The following HSPD1 variants were observed in gnomAD, a reference collection of about 807,000 sequenced individuals.
HSPD1 encodes heat shock protein family D (Hsp60) member 1, also known as 60 kDa heat shock protein, mitochondrial.
In HSPD1, 3 loss-of-function variants were observed where a neutral mutation model predicts 53.0. The observed-to-expected ratio is 0.06, with a 90% CI of 0.03 to 0.15. The LOEUF (loss-of-function observed/expected upper bound fraction) is 0.15. HSPD1 is among the 10% of genes least tolerant of loss of function. HSPD1 has a pLI of 1.00. For missense variants in HSPD1, 431 were observed against 694.1 expected, an observed-to-expected ratio of 0.62 and a Z score of 4.26; for synonymous variants, 200 against 228.0, an observed-to-expected ratio of 0.88 and a Z score of 1.10.
intron 2 of HSPD1, among the ~76,000 whole-genome samples, chr2:197,497,840 G>A (rs1163754519): frequency 6.6e-6 from 1 of 152,138 alleles, no homozygotes; most frequent in Non-Finnish European, 1.5e-5. Flanking sequence ...CTTCAACCAT[G>A]GCACAATTAT....
intron 7 of HSPD1, chr2:197,490,550 G>C: frequency 1.1e-5 from 5 of 452,084 alleles, no homozygotes; most frequent in Non-Finnish European, 2.0e-5. Flanking sequence ...TGTTGGCCTG[G>C]CCGGGCGTGG....
chr2:197,490,731 G>A (rs1487804660), intron 7 of HSPD1, among the ~76,000 whole-genome samples: 1 of 152,068 alleles, frequency 6.6e-6, no homozygotes, highest in African/African-American at 2.4e-5. Flanking sequence ...TCAGGAGGCC[G>A]AGCAGCAAAA....
chr2:197,496,451 C>T lies in HSPD1; in HGVS notation c.427+689G>A, dbSNP rs969209033. On this transcript the variant is annotated intron_variant, in intron 3 of 11. Transcript: ENST00000388968. ...AATTCTGACAAAAAATTACCAATAG[C>T]TCCCCCCACCTTCACTTACAAGAGG... Among the ~76,000 whole-genome samples, 17 of 152,248 alleles carry T rather than the reference C, an allele frequency of 1.1e-4. No individual in the cohort carries two copies. In the East Asian group the frequency reaches 2.5e-3, roughly 22 times the overall value.
At chr2:197,493,993 T>C (rs1184348434) in intron 6 of HSPD1, among the ~76,000 whole-genome samples, 164 bp downstream of exon 6, 1 of 152,120 alleles carries the variant, frequency 6.6e-6, no homozygotes, top group Non-Finnish European at 1.5e-5. Context: ...TCCCAGCTAC[T>C]TGGGAGACTG....
intron 2 of HSPD1, 181 bp from the exon 3 acceptor site, chr2:197,497,573 A>AAG: frequency 1.6e-6 from 1 of 636,044 alleles, no homozygotes; most frequent in Non-Finnish European, 2.8e-6. Flanking sequence ...TCTACAGACA[A>AAG]AATGACCTGA....
Position 197,497,205 on chromosome 2 carries a change from C to T in HSPD1, c.362G>A (p.Arg121His), listed in dbSNP as rs747855395. ...CTCGAAGCCTTCCTTGGCTATAGAG[C>T]GTGCCAGTACAGTAGCAGTGGTAGT... Reference protein sequence around the residue: ...DGTTTATVLARSIAKEGFEKI... With the variant: ...DGTTTATVLAHSIAKEGFEKI... Residue 121 changes from arginine to histidine, a missense_variant, in exon 3 of 12, where the codon CGC (arginine) becomes CAC (histidine). Transcript: ENST00000388968. The T allele has an allele frequency of 6.8e-6, 11 of 1,613,536 alleles. No homozygotes were observed. Among genetic ancestry groups the T allele is most frequent in the East Asian group, 2.2e-5 (1 of 44,900 alleles).
At chr2:197,500,234 T>A (rs945654766), upstream of HSPD1, 3 of 654,884 alleles carry the variant, frequency 4.6e-6, no homozygotes, top group Non-Finnish European at 8.0e-6. Context: ...GTCAGCGTCC[T>A]GCGCAGGGCC....
intron 11 of HSPD1, among the ~76,000 whole-genome samples, chr2:197,487,401 G>A (rs2086039497): frequency 6.6e-6 from 1 of 152,046 alleles, no homozygotes; most frequent in Non-Finnish European, 1.5e-5. Context: ...ACAAAAATTA[G>A]CCAGGCATGG....
At chr2:197,488,534 A>C in intron 9 of HSPD1, 43 bp from the exon 10 acceptor site, 3 of 1,554,550 alleles carry the variant, frequency 1.9e-6, no homozygotes, top group Non-Finnish European at 2.7e-6. Context: ...CTCTTCATTC[A>C]AGATGCTAAT....
At position 197,494,239 on chromosome 2, in the gene HSPD1, T is replaced by G; in HGVS notation, c.618A>C (p.Thr206=). The change falls in exon 6 of 12, where the codon ACA becomes ACC. Residue 206 remains threonine (T), a synonymous_variant. Coordinates refer to ENST00000388968, the MANE Select transcript of HSPD1 (RefSeq NM_002156.5). ...KGVITVKDGK[T]LNDELEIIEG... ...CAATAATTTCTAATTCATCATTCAG[T>G]GTTTTTCCATCCTATGAAAAGTCAA... 2.0e-6 allele frequency: 3 copies of G among 1,536,444 alleles called. No individual in the cohort carries two copies. The highest frequency in any genetic ancestry group is 2.7e-6 in the Non-Finnish European group (3 of 1,109,476).
upstream of HSPD1, chr2:197,500,220 T>C (rs2086230802): frequency 1.6e-6 from 1 of 616,368 alleles, no homozygotes; most frequent in Non-Finnish European, 2.9e-6. Context: ...CTCCGAGTCT[T>C]CGCGTCAGCG....
chr2:197,488,682 A>T (rs913155039), intron 9 of HSPD1, among the ~76,000 whole-genome samples, 191 bp from the exon 10 acceptor site: 7 of 152,162 alleles, frequency 4.6e-5, no homozygotes, highest in African/African-American at 1.7e-4. Flanking sequence ...CAGCCTGACC[A>T]ACATGGTGAA....
At chr2:197,493,537 C>A in intron 6 of HSPD1, 45 bp from the exon 7 acceptor site, 1 of 1,388,852 alleles carries the variant, frequency 7.2e-7, no homozygotes, top group Non-Finnish European at 1.0e-6. Context: ...AAAATGACTG[C>A]AATACATTTA....
Position 197,488,015 on chromosome 2 carries a change from G to A in HSPD1, c.1412C>T (p.Thr471Ile), listed in dbSNP as rs867053951. The A allele has an allele frequency of 6.2e-7, 1 of 1,608,260 alleles. No individual in the cohort carries two copies. The highest frequency in any genetic ancestry group is 1.1e-5 in the South Asian group (1 of 90,658). Reference sequence around the variant, plus strand: ...AATGGTCATTGCTGGAATTTTGAGTGTTCTTTTAATAATTTCTATACCTAC... The same window carrying A: ...AATGGTCATTGCTGGAATTTTGAGTATTCTTTTAATAATTTCTATACCTAC... Reference protein sequence around the residue: ...QKIGIEIIKRTLKIPAMTIAK... With the variant: ...QKIGIEIIKRILKIPAMTIAK... The change falls in exon 11 of 12, where the codon ACA becomes ATA. Residue 471 changes from threonine (T) to isoleucine (I), a missense_variant. Around this residue, in one of 2 missense-constraint regions of HSPD1, gnomAD observed 386 missense variants for 657.6 expected, o/e 0.59. Coordinates refer to ENST00000388968, the MANE Select transcript of HSPD1 (RefSeq NM_002156.5).
chr2:197,490,419 T>G (rs1463754392), intron 7 of HSPD1, 123 bp from the exon 8 acceptor site: 11 of 721,804 alleles, frequency 1.5e-5, no homozygotes, highest in East Asian at 2.7e-5. Context: ...TTTTGTGTTT[T>G]TTTGTTTTTT....
chr2:197,493,585 A>C, intron 6 of HSPD1, 93 bp from the exon 7 acceptor site: 1 of 900,792 alleles, frequency 1.1e-6, no homozygotes, highest in Non-Finnish European at 1.8e-6. Flanking sequence ...ACACTTTAAA[A>C]TTCACCAGTG....
intron 7 of HSPD1, 31 bp from the exon 8 acceptor site, chr2:197,490,327 A>T: frequency 3.3e-6 from 5 of 1,524,338 alleles, no homozygotes; most frequent in Non-Finnish European, 4.6e-6. Flanking sequence ...TAAGATTTAA[A>T]TGAAATAAAA....
At position 197,486,643 on chromosome 2, in the gene HSPD1, T is replaced by C. The variant is rs1381295659; in HGVS notation, c.*403A>G. The stretch of plus-strand genomic sequence containing the variant: ...GTCACATAATTGGATACTTCTCTAC[T>C]TTGTACACAATTATTCTCACTCTCC... On this transcript the variant is annotated 3_prime_UTR_variant, in exon 12 of 12. Coordinates refer to ENST00000388968, the MANE Select transcript of HSPD1 (RefSeq NM_002156.5). The C allele has an allele frequency of 1.6e-5, 4 of 255,898 alleles. No homozygotes were observed. Among genetic ancestry groups the C allele is most frequent in the Non-Finnish European group, 3.1e-5 (4 of 129,302 alleles). 15.9% of individuals were successfully genotyped at this position (255,898 alleles called of 1,614,324 possible).
intron 8 of HSPD1, among the ~76,000 whole-genome samples, chr2:197,489,902 A>C (rs771240514): frequency 7.2e-5 from 11 of 152,044 alleles, no homozygotes; most frequent in Admixed American, 1.3e-4. Context: ...AAGAATAGTC[A>C]ATATAGATCA....
Sources: allele counts gnomAD v4.1 joint callset (sites outside exome capture counted in the v4.1 genomes callset), GRCh38; gene constraint gnomAD v4.1.1; regional missense constraint gnomAD v4.1.1; transcripts MANE v1.5; gene names NCBI Gene and HGNC (gene_info 2026-07-23, HGNC 2026-07-21).